Variants in TACC1 observed in about 807,000 individuals in gnomAD.
TACC1 encodes the protein transforming acidic coiled-coil containing protein 1.
In TACC1, 48 loss-of-function variants were observed where a neutral mutation model predicts 84.4. The ratio of observed to expected loss-of-function variants is 0.57; its 90% CI spans 0.45 to 0.72. TACC1 has a LOEUF of 0.72. TACC1 is among the 30% of genes least tolerant of loss of function. The pLI is 0.00. For missense variants in TACC1, 920 were observed against 973.0 expected, an observed-to-expected ratio of 0.95 and a Z score of 0.72; for synonymous variants, 372 against 376.3, an observed-to-expected ratio of 0.99 and a Z score of 0.13.
chr8:38,795,097 T>C (rs1348024282), intron 2 of TACC1, among the ~76,000 whole-genome samples: 2 of 152,200 alleles, frequency 1.3e-5, no homozygotes, highest in Non-Finnish European at 2.9e-5. Context: ...TGTGTTTTTT[T>C]GTTGTTGTTG....
chr8:38,818,385 T>C (rs1337065072), intron 2 of TACC1, among the ~76,000 whole-genome samples: 2 of 152,372 alleles, frequency 1.3e-5, no homozygotes, highest in African/African-American at 4.8e-5. Context: ...TTTTCTGTGC[T>C]ACTCTTGTTT....
intron 3 of TACC1, among the ~76,000 whole-genome samples, chr8:38,821,751 A>G (rs182312710): frequency 2.0e-5 from 3 of 152,320 alleles, no homozygotes; most frequent in Admixed American, 6.5e-5. Flanking sequence ...TGATAATACA[A>G]TCATACATCA....
At chr8:38,729,978 A>G (rs1804607842) in intron 1 of TACC1, among the ~76,000 whole-genome samples, 16 of 152,240 alleles carry the variant, frequency 1.1e-4, no homozygotes, top group Admixed American at 1.0e-3. Context: ...TGGGGGCACC[A>G]GGGACCTCCT....
At chr8:38,811,277 A>G (rs1333205930) in intron 2 of TACC1, among the ~76,000 whole-genome samples, 1 of 150,866 alleles carries the variant, frequency 6.6e-6, no homozygotes, top group East Asian at 1.9e-4. Context: ...ATTCACTAGT[A>G]TTTCCTGAAT....
At chr8:38,735,511 C>T (rs1461480568) in intron 1 of TACC1, among the ~76,000 whole-genome samples, 1 of 152,134 alleles carries the variant, frequency 6.6e-6, no homozygotes, top group African/African-American at 2.4e-5. Context: ...GGGAGTGTGT[C>T]ATGGAGGATT....
intron 2 of TACC1, among the ~76,000 whole-genome samples, chr8:38,813,479 T>C (rs1246268523): frequency 6.6e-6 from 1 of 152,176 alleles, no homozygotes; most frequent in Non-Finnish European, 1.5e-5. Context: ...ATCCAAACCC[T>C]CAGTGCATTT....
rs1309764969 is a variant in TACC1, at chr8:38,836,156, C to T, written c.1714-6C>T. On this transcript the variant is annotated splice_region_variant and splice_polypyrimidine_tract_variant and intron_variant, in intron 6 of 12. Coordinates refer to ENST00000317827, the MANE Select transcript of TACC1 (RefSeq NM_006283.3). The stretch of plus-strand genomic sequence containing the variant: ...GACAGATTCAGTGTAATCCCTTTCC[C>T]CACAGGGGCTGCTGGAGTCCTCTGC... The T allele has an allele frequency of 1.2e-6, 2 of 1,612,966 alleles. No homozygotes were observed. The highest frequency in any genetic ancestry group is 1.3e-5 in the African/African-American group (1 of 75,034).
At chr8:38,732,300 GT>G (rs1381324630) in intron 1 of TACC1, among the ~76,000 whole-genome samples, 1 of 151,374 alleles carries the variant, frequency 6.6e-6, no homozygotes, top group Non-Finnish European at 1.5e-5. Context: ...GCAAAAATAT[GT>G]TTTTTTCTTG....
chr8:38,819,402 G>C (rs1826157729), intron 2 of TACC1, 120 bp from the exon 3 acceptor site: 1 of 1,160,826 alleles, frequency 8.6e-7, no homozygotes, highest in Admixed American at 2.9e-5. Flanking sequence ...GAACTTTAGA[G>C]ATGCTTAATA....
chr8:38,838,103 G>A (rs1399554869), intron 7 of TACC1, among the ~76,000 whole-genome samples: 2 of 152,234 alleles, frequency 1.3e-5, no homozygotes, highest in Admixed American at 1.3e-4. Context: ...GTGATTACAT[G>A]GCCTTAGTTA....
intron 8 of TACC1, chr8:38,839,342 G>C: frequency 2.5e-6 from 1 of 396,194 alleles, no homozygotes. Context: ...AGAGTTATGA[G>C]CCATGAAATG....
At chr8:38,786,450 C>G (rs1817154718), upstream of TACC1, among the ~76,000 whole-genome samples, 1 of 152,110 alleles carries the variant, frequency 6.6e-6, no homozygotes, top group Admixed American at 6.5e-5. Context: ...GCCTGGAATC[C>G]TAGCATTTTG....
chr8:38,829,507 G>C (rs1350083687), intron 5 of TACC1, among the ~76,000 whole-genome samples: 1 of 152,074 alleles, frequency 6.6e-6, no homozygotes, highest in African/African-American at 2.4e-5. Flanking sequence ...CATCCCTTCA[G>C]GTCTCTCCAG....
chr8:38,731,679 G>A (rs1225003531), intron 1 of TACC1, among the ~76,000 whole-genome samples: 1 of 152,106 alleles, frequency 6.6e-6, no homozygotes, highest in Non-Finnish European at 1.5e-5. Context: ...AAGGAACCTG[G>A]GAGACAGCCT....
intron 1 of TACC1, among the ~76,000 whole-genome samples, chr8:38,737,234 A>T (rs1391043776): frequency 6.6e-6 from 1 of 152,166 alleles, no homozygotes; most frequent in Non-Finnish European, 1.5e-5. Flanking sequence ...CCTTCCCACC[A>T]ACTGGCCTCC....
chr8:38,789,064 C>T (rs975949850), intron 2 of TACC1, among the ~76,000 whole-genome samples: 6 of 152,106 alleles, frequency 3.9e-5, no homozygotes, highest in Non-Finnish European at 5.9e-5. Flanking sequence ...AGGCCTTTCT[C>T]CTCAGCCCCT....
chr8:38,835,572 A>T (rs1479837845), intron 6 of TACC1, among the ~76,000 whole-genome samples: 1 of 152,230 alleles, frequency 6.6e-6, no homozygotes, highest in Non-Finnish European at 1.5e-5. Context: ...TTACAGCAGG[A>T]GGTCGCTGCG....
chr8:38,779,384 C>G (rs1035813729), intron 3 of TACC1, among the ~76,000 whole-genome samples: 2 of 152,222 alleles, frequency 1.3e-5, no homozygotes, highest in Non-Finnish European at 2.9e-5. Context: ...CCACAGGCTG[C>G]CCAGTAACAT....
intron 3 of TACC1, among the ~76,000 whole-genome samples, chr8:38,745,941 GCTCAAGCAATCCTTTTGC>G (rs2151709935): frequency 6.6e-6 from 1 of 152,300 alleles, no homozygotes; most frequent in East Asian, 1.9e-4. Flanking sequence ...AAACTCCTGG[GCTCAAGCAATCCTTTTGC>G]CTCAGCTAGC....
Sources: gnomAD v4.1 joint callset for allele counts (sites outside exome capture counted in the v4.1 genomes callset) on GRCh38, gnomAD v4.1.1 for gene constraint, MANE v1.5 for transcripts, NCBI Gene and HGNC (gene_info 2026-07-23, HGNC 2026-07-21) for gene names.